PIAS2: variants seen among roughly 807,000 people sequenced by gnomAD.
The protein encoded by PIAS2 is E3 SUMO-protein ligase PIAS2.
In PIAS2, 19 loss-of-function variants were observed where a neutral mutation model predicts 69.7. That is an observed-to-expected ratio of 0.27 (90% confidence interval 0.19 to 0.40). The LOEUF is 0.40. Among genes scored for constraint, PIAS2 ranks in the 10% least tolerant of loss-of-function variants. PIAS2 has a pLI of 1.00. For missense variants in PIAS2, 624 were observed against 757.0 expected, an observed-to-expected ratio of 0.82 and a Z score of 2.06; for synonymous variants, 261 against 263.2, an observed-to-expected ratio of 0.99 and a Z score of 0.08.
intron 5 of PIAS2, among the ~76,000 whole-genome samples, chr18:46,849,075 G>T (rs564701269): frequency 6.6e-6 from 1 of 152,208 alleles, no homozygotes; most frequent in East Asian, 1.9e-4. Context: ...CTGTCAGAAG[G>T]ATAGAAATAA....
intron 5 of PIAS2, among the ~76,000 whole-genome samples, chr18:46,854,324 T>C (rs2047415031): frequency 6.6e-6 from 1 of 152,134 alleles, no homozygotes; most frequent in Non-Finnish European, 1.5e-5. Context: ...TTACACAGCT[T>C]CCCCATTTCC....
chr18:46,871,444 G>A (rs1434883488), intron 2 of PIAS2, among the ~76,000 whole-genome samples: 1 of 152,186 alleles, frequency 6.6e-6, no homozygotes, highest in Non-Finnish European at 1.5e-5. Context: ...TCAGAACAGG[G>A]AGGGAGGGAG....
intron 3 of PIAS2, among the ~76,000 whole-genome samples, chr18:46,859,281 A>T (rs7506367): frequency 0.077 from 11,661 of 151,948 alleles, 485 homozygotes; most frequent in African/African-American, 0.1. Flanking sequence ...ACAAAAAATT[A>T]GCCAGGCGTG....
Position 46,812,381 on chromosome 18 carries a change from C to T in PIAS2, c.*52G>A. On this transcript the variant is annotated 3_prime_UTR_variant, in exon 14 of 14. Transcript: ENST00000585916. ...AAGAACGTTTCCACAGACTAGAGAT[C>T]CAAGAAAAAGCAGTTCTGATGAATG... 1 of 1,111,550 alleles carries T rather than the reference C, an allele frequency of 9.0e-7. No individual in the cohort carries two copies. Among genetic ancestry groups the T allele is most frequent in the Admixed American group, 2.3e-5 (1 of 43,968 alleles). The allele number at this position is 1,111,550 out of a possible 1,614,324, so 68.9% of individuals were successfully genotyped here.
intron 1 of PIAS2, among the ~76,000 whole-genome samples, chr18:46,902,033 AAAC>A (rs1295010714): frequency 3.3e-5 from 5 of 152,210 alleles, no homozygotes; most frequent in African/African-American, 1.2e-4. Flanking sequence ...CAAATCTACA[AAAC>A]AACTCCTAGA....
At chr18:46,917,677 G>C, upstream of PIAS2, 1 of 536,002 alleles carries the variant, frequency 1.9e-6, no homozygotes, top group African/African-American at 2.1e-5. Flanking sequence ...TCGGCCCCAG[G>C]TCGTGCCTTC....
intron 8 of PIAS2, 48 bp downstream of exon 8, chr18:46,844,006 C>A: frequency 2.9e-6 from 3 of 1,036,112 alleles, no homozygotes; most frequent in South Asian, 1.7e-5. Flanking sequence ...GAAAGTTAAT[C>A]ATTTATAAAA....
At chr18:46,853,164 C>T (rs878984652) in intron 5 of PIAS2, 3 of 152,056 alleles carry the variant, frequency 2.0e-5, no homozygotes, top group Non-Finnish European at 4.4e-5. Context: ...GTAGTCCCAG[C>T]TACTAAGGAG....
At chr18:46,834,960 T>G (rs1038622405) in intron 9 of PIAS2, among the ~76,000 whole-genome samples, 2 of 152,256 alleles carry the variant, frequency 1.3e-5, no homozygotes, top group African/African-American at 2.4e-5. Context: ...TGAGTATTTC[T>G]ATTTCTAAGA....
At chr18:46,860,715 A>G (rs764997528) in intron 3 of PIAS2, among the ~76,000 whole-genome samples, 2 of 152,160 alleles carry the variant, frequency 1.3e-5, no homozygotes, top group Non-Finnish European at 2.9e-5. Flanking sequence ...GTAAAGCCAT[A>G]CCTGTAAACC....
At position 46,844,145 on chromosome 18, in the gene PIAS2, A is replaced by AAG; in HGVS notation, c.968-19_968-18insCT. ...TTCTTTAACTTTAAAAAGAAGAGAA[A>AAG]AAAAAAAATTTAAAAAAATTAAGGG... On this transcript the variant is annotated intron_variant, in intron 7 of 13. Coordinates refer to ENST00000585916, the MANE Select transcript of PIAS2 (RefSeq NM_004671.5). The AAG allele has an allele frequency of 7.2e-7, 1 of 1,383,116 alleles. No individual in the cohort carries two copies. The highest frequency in any genetic ancestry group is 9.8e-7 in the Non-Finnish European group (1 of 1,023,840). 85.7% of individuals were successfully genotyped at this position (1,383,116 alleles called of 1,614,324 possible). A position where few individuals can be genotyped will look rare whatever the true frequency, so the allele number is the denominator to read the frequency against.
In PIAS2 at chr18:46,860,640, T is replaced by C. The variant is rs571943537; in HGVS notation, c.584+3524A>G. Among the ~76,000 whole-genome samples the C allele has an allele frequency of 2.1e-4, 32 of 152,242 alleles. No individual in the cohort carries two copies. In the South Asian group the frequency reaches 6.6e-3, roughly 32 times the overall value. On this transcript the variant is annotated intron_variant, in intron 3 of 13. Coordinates refer to ENST00000585916, the MANE Select transcript of PIAS2 (RefSeq NM_004671.5). ...TACTGTAACACTGGAATATAACTCA[T>C]AGAGCACCCATGAGTCCACACTGTT... is the stretch of plus-strand genomic sequence containing the variant.
At chr18:46,819,243 T>C (rs2041902287) in intron 12 of PIAS2, among the ~76,000 whole-genome samples, 1 of 152,176 alleles carries the variant, frequency 6.6e-6, no homozygotes. Flanking sequence ...ACAACCCATG[T>C]TACAGCCATA....
chr18:46,910,856 G>C (rs1301859271), intron 1 of PIAS2, among the ~76,000 whole-genome samples: 3 of 152,122 alleles, frequency 2.0e-5, no homozygotes, highest in African/African-American at 7.2e-5. Flanking sequence ...CTTTCAATCA[G>C]GAACAAAGAC....
intron 6 of PIAS2, chr18:46,846,429 A>T (rs550069134): frequency 4.3e-6 from 1 of 232,158 alleles, no homozygotes; most frequent in African/African-American, 2.3e-5. Context: ...TACTAAACAC[A>T]AACATACATA....
rs1171073123 is a variant in PIAS2 at position 46,811,077 on chromosome 18, TAGAAG to T, written c.*1351_*1355del. On this transcript the variant is annotated 3_prime_UTR_variant, in exon 14 of 14. Transcript: ENST00000585916. ...GATTTAAAATCAAACAAACACACTA[TAGAAG>T]AGAAATTTTCAAAGTGCACCCAATA... 4 of 152,244 alleles carry T rather than the reference TAGAAG, an allele frequency of 2.6e-5. No homozygotes were observed. The highest frequency in any genetic ancestry group is 9.6e-5 in the African/African-American group (4 of 41,544). The allele number at this position is 152,244 out of a possible 1,614,324, so 9.4% of individuals were successfully genotyped here.
intron 3 of PIAS2, among the ~76,000 whole-genome samples, chr18:46,856,004 T>G (rs1440202453): frequency 8.5e-6 from 1 of 116,978 alleles, no homozygotes; most frequent in Non-Finnish European, 1.9e-5. Flanking sequence ...TTTGTTTTTT[T>G]TTTTTTTTTT....
chr18:46,904,734 C>A (rs1437002912), intron 1 of PIAS2, among the ~76,000 whole-genome samples: 2 of 147,296 alleles, frequency 1.4e-5, no homozygotes, highest in East Asian at 2.0e-4. Context: ...CTGGGTGACA[C>A]AGCAAGACTC....
chr18:46,915,686 C>T (rs935924069), intron 1 of PIAS2: 1 of 152,062 alleles, frequency 6.6e-6, no homozygotes, highest in South Asian at 2.1e-4. Flanking sequence ...GCACTGACTG[C>T]TTTTACTCTG....
Sources: gnomAD v4.1 joint callset for allele counts (sites outside exome capture counted in the v4.1 genomes callset) on GRCh38, gnomAD v4.1.1 for gene constraint, MANE v1.5 for transcripts, NCBI Gene and HGNC (gene_info 2026-07-23, HGNC 2026-07-21) for gene names.